The following GRIA1 variants were observed in gnomAD, a reference collection of about 807,000 sequenced individuals.
GRIA1 encodes the protein glutamate ionotropic receptor AMPA type subunit 1.
A neutral mutation model predicts 99.2 loss-of-function variants in GRIA1; 31 were observed. That is an observed-to-expected ratio of 0.31 (90% CI 0.23 to 0.42). GRIA1 has a LOEUF of 0.42. GRIA1 is among the 10% of genes least tolerant of loss of function. The pLI is 1.00. For synonymous variants in GRIA1, 438 were observed against 432.4 expected (o/e 1.01, Z -0.16); for missense variants, 782 against 1,157.5 (o/e 0.68, Z 4.71).
chr5:153,738,748 A>C, intron 11 of GRIA1, among the ~76,000 whole-genome samples: 1 of 78,586 alleles, frequency 1.3e-5, no homozygotes, highest in African/African-American at 6.0e-5. Context: ...TGGAGAAGGC[A>C]TTTCGCTCTT....
At chr5:153,630,278 A>ATCG (rs1299785398) in intron 2 of GRIA1, among the ~76,000 whole-genome samples, 1 of 152,078 alleles carries the variant, frequency 6.6e-6, no homozygotes, top group African/African-American at 2.4e-5. Context: ...CATCATCATC[A>ATCG]TCATTTGTTG....
chr5:153,546,260 T>G (rs112317282), intron 2 of GRIA1, among the ~76,000 whole-genome samples: 7 of 152,190 alleles, frequency 4.6e-5, no homozygotes, highest in African/African-American at 1.4e-4. Context: ...GAATCATCAT[T>G]GTGCAAACAT....
chr5:153,796,786 A>T (rs1236326509), intron 14 of GRIA1, among the ~76,000 whole-genome samples: 1 of 57,354 alleles, frequency 1.7e-5, no homozygotes, highest in African/African-American at 6.5e-5. Context: ...TCCTGCCCCC[A>T]CCCCCACCCC....
chr5:153,600,983 A>T (rs1267007857), intron 2 of GRIA1, among the ~76,000 whole-genome samples: 1 of 152,194 alleles, frequency 6.6e-6, no homozygotes, highest in Admixed American at 6.5e-5. Flanking sequence ...CAGATGCTTG[A>T]TGATGAAGTG....
chr5:153,543,419 A>G (rs1318245175), intron 2 of GRIA1, among the ~76,000 whole-genome samples: 1 of 152,228 alleles, frequency 6.6e-6, no homozygotes, highest in Non-Finnish European at 1.5e-5. Flanking sequence ...AGATATGGCC[A>G]GTACTCCACA....
intron 13 of GRIA1, among the ~76,000 whole-genome samples, chr5:153,788,168 C>G (rs1765087855): frequency 6.6e-6 from 1 of 152,126 alleles, no homozygotes; most frequent in Non-Finnish European, 1.5e-5. Context: ...CTCATCTCCA[C>G]AAATGGTCCC....
chr5:153,788,097 A>T (rs996721672), intron 13 of GRIA1, among the ~76,000 whole-genome samples: 1 of 151,984 alleles, frequency 6.6e-6, no homozygotes, highest in African/African-American at 2.4e-5. Context: ...AAAAAAAAAA[A>T]ATTAGTGCAT....
chr5:153,802,225 C>G (rs1766087721), intron 14 of GRIA1, 131 bp from the exon 15 acceptor site: 1 of 695,210 alleles, frequency 1.4e-6, no homozygotes, highest in Non-Finnish European at 2.5e-6. Flanking sequence ...GCCTATCCAG[C>G]TATTGCAAAT....
At chr5:153,588,570 T>A (rs1763699359) in intron 2 of GRIA1, among the ~76,000 whole-genome samples, 2 of 152,248 alleles carry the variant, frequency 1.3e-5, no homozygotes, top group South Asian at 4.1e-4. Context: ...ATCTTGTTTC[T>A]TCCATTTTCT....
intron 10 of GRIA1, among the ~76,000 whole-genome samples, chr5:153,703,323 A>G (rs148694408): frequency 1.9e-3 from 287 of 152,330 alleles, no homozygotes; most frequent in African/African-American, 6.7e-3. Context: ...GTGGTCATCT[A>G]AAGGTTCTGG....
chr5:153,656,774 A>G (rs1053000261), intron 5 of GRIA1, among the ~76,000 whole-genome samples: 5 of 152,210 alleles, frequency 3.3e-5, no homozygotes, highest in African/African-American at 9.6e-5. Flanking sequence ...TCACAAAGTT[A>G]TGAAACCATC....
At chr5:153,563,283 C>T (rs1761316560) in intron 2 of GRIA1, among the ~76,000 whole-genome samples, 1 of 152,092 alleles carries the variant, frequency 6.6e-6, no homozygotes, top group Non-Finnish European at 1.5e-5. Flanking sequence ...TGGTTTTGTG[C>T]CCTCTGAGAG....
chr5:153,627,429 A>G (rs1274222441), intron 2 of GRIA1, among the ~76,000 whole-genome samples: 1 of 152,216 alleles, frequency 6.6e-6, no homozygotes, highest in Non-Finnish European at 1.5e-5. Flanking sequence ...CCCAGAGTAG[A>G]CACAGGCACG....
chr5:153,669,124 G>T lies in GRIA1; in HGVS notation c.700-5376G>T, dbSNP rs185963288. ...ACTCATTTATGCAAATAAGTATTGG[G>T]TGTCTACTGTGCACATTTACCTCTT... On this transcript the variant is annotated intron_variant, in intron 5 of 15. Transcript: ENST00000285900. Among the ~76,000 whole-genome samples, 64 of 152,252 alleles carry T rather than the reference G, an allele frequency of 4.2e-4. No individual in the cohort carries two copies. The East Asian group carries it at 0.01, about 25-fold the overall frequency.
intron 11 of GRIA1, among the ~76,000 whole-genome samples, chr5:153,726,999 C>T (rs1423893409): frequency 1.3e-5 from 2 of 152,142 alleles, no homozygotes; most frequent in African/African-American, 4.8e-5. Context: ...AAAATATTGG[C>T]AAACTGAATC....
intron 13 of GRIA1, among the ~76,000 whole-genome samples, chr5:153,776,290 T>C (rs1764248827): frequency 6.6e-6 from 1 of 152,206 alleles, no homozygotes; most frequent in Non-Finnish European, 1.5e-5. Flanking sequence ...ACTTTAAAGC[T>C]GGGAGGTTTG....
At chr5:153,622,739 T>C (rs1175107976) in intron 2 of GRIA1, among the ~76,000 whole-genome samples, 1 of 152,178 alleles carries the variant, frequency 6.6e-6, no homozygotes, top group Non-Finnish European at 1.5e-5. Context: ...TGGCTAACCT[T>C]TTTTCAGGTA....
intron 5 of GRIA1, 107 bp downstream of exon 5, chr5:153,655,979 AT>A: frequency 2.3e-6 from 2 of 865,302 alleles, no homozygotes; most frequent in South Asian, 2.7e-5. Flanking sequence ...GGAAGGGGCA[AT>A]TCAGGGCTGT....
At chr5:153,626,697 T>A (rs895664184) in intron 2 of GRIA1, among the ~76,000 whole-genome samples, 1 of 152,132 alleles carries the variant, frequency 6.6e-6, no homozygotes, top group Non-Finnish European at 1.5e-5. Flanking sequence ...AAATAACATC[T>A]CAGCACTGTC....
Sources: allele counts gnomAD v4.1 joint callset (sites outside exome capture counted in the v4.1 genomes callset), GRCh38; gene constraint gnomAD v4.1.1; transcripts MANE v1.5; gene names NCBI Gene and HGNC (gene_info 2026-07-23, HGNC 2026-07-21).